The following DOCK3 variants were observed in gnomAD, a reference collection of about 807,000 sequenced individuals.
DOCK3 encodes the protein dedicator of cytokinesis 3.
Under a neutral mutation model 265.6 loss-of-function variants are expected in DOCK3, and 60 were observed. That is an observed-to-expected ratio of 0.23 (90% CI 0.18 to 0.28). The LOEUF is 0.28. DOCK3 is among the 10% of genes least tolerant of loss of function. The pLI, the probability that DOCK3 is intolerant of heterozygous loss-of-function variation, is 1.00. For synonymous variants in DOCK3, 881 were observed against 938.0 expected, an observed-to-expected ratio of 0.94 and a Z score of 1.11; for missense variants, 1,981 against 2,594.3, an observed-to-expected ratio of 0.76 and a Z score of 5.14.
intron 1 of DOCK3, among the ~76,000 whole-genome samples, chr3:50,754,213 G>A (rs1043958757): frequency 2.0e-5 from 3 of 147,296 alleles, no homozygotes; most frequent in Non-Finnish European, 4.5e-5. Context: ...CAAATACTGC[G>A]TGTTTTCACT....
rs1281613453 is a variant in DOCK3, at chr3:51,315,043, C to T, written c.3317C>T (p.Pro1106Leu). The stretch of plus-strand genomic sequence containing the variant: ...CCTTTTCTGGGTGTGACACTGGTCC[C>T]ACAGCCAGAAGTACGGAATATCATG... ...IGPFLGVTLV[P>L]QPEVRNIMIP... Residue 1106 changes from proline (P) to leucine (L), a missense_variant, in exon 32 of 53, where the codon CCA (proline) becomes CTA (leucine). By Grantham distance (98) the Pro-to-Leu change is moderately conservative. This residue lies in a region of DOCK3 where 1,357 missense variants were observed against 1,866.8 expected (regional missense o/e 0.73). Transcript: ENST00000266037. 6.2e-7 allele frequency: 1 copy of T among 1,612,870 alleles called. No homozygotes were observed. Among genetic ancestry groups the T allele is most frequent in the South Asian group, 1.1e-5 (1 of 90,924 alleles).
intron 5 of DOCK3, among the ~76,000 whole-genome samples, chr3:50,984,370 T>G (rs1437624725): frequency 1.3e-5 from 2 of 152,200 alleles, no homozygotes; most frequent in African/African-American, 4.8e-5. Flanking sequence ...TCCTTCCACT[T>G]CCAGATGCAG....
intron 32 of DOCK3, among the ~76,000 whole-genome samples, chr3:51,323,057 A>C (rs1387024290): frequency 6.6e-6 from 1 of 152,210 alleles, no homozygotes; most frequent in Non-Finnish European, 1.5e-5. Context: ...AAAGAACTGC[A>C]TTACATAATG....
chr3:50,816,500 T>C (rs1035264699), intron 2 of DOCK3, among the ~76,000 whole-genome samples: 2 of 151,892 alleles, frequency 1.3e-5, no homozygotes, highest in East Asian at 1.9e-4. Context: ...TTTGTATTTT[T>C]AGTGGAGACG....
At chr3:51,334,332 T>A (rs2084725409) in intron 35 of DOCK3, among the ~76,000 whole-genome samples, 1 of 152,166 alleles carries the variant, frequency 6.6e-6, no homozygotes, top group South Asian at 2.1e-4. Context: ...GAAACCCAGC[T>A]CCAAGCAATA....
In DOCK3 at chr3:50,842,906, C is replaced by T. The variant is rs192307312; in HGVS notation, c.162+1191C>T. ...TGAATAGTTGTAATTTGTGATATTGCGTGCTATTTATTTATTTTAGTAATA... is the reference window on the plus strand; with the variant it reads ...TGAATAGTTGTAATTTGTGATATTGTGTGCTATTTATTTATTTTAGTAATA... On this transcript the variant is annotated intron_variant, in intron 3 of 52. Coordinates refer to ENST00000266037, the MANE Select transcript of DOCK3 (RefSeq NM_004947.5). 2.3e-4 allele frequency among the ~76,000 whole-genome samples: 35 copies of T among 152,210 alleles called. 1 individual carries two copies. In the South Asian group the frequency reaches 5.0e-3, roughly 22 times the overall value.
chr3:51,309,632 AGAGCGAGAGCG>A (rs1325255695), intron 27 of DOCK3, among the ~76,000 whole-genome samples: 25 of 146,166 alleles, frequency 1.7e-4, no homozygotes, highest in African/African-American at 6.1e-4. Flanking sequence ...AGCGAGAGCG[AGAGCGAGAGCG>A]AGAGCGAGAG....
intron 12 of DOCK3, among the ~76,000 whole-genome samples, chr3:51,194,579 G>A (rs2088156337): frequency 6.6e-6 from 1 of 152,068 alleles, no homozygotes; most frequent in East Asian, 1.9e-4. Flanking sequence ...ATGAATCCAG[G>A]TGTTCCAATG....
intron 4 of DOCK3, among the ~76,000 whole-genome samples, chr3:50,922,739 C>T (rs2050557691): frequency 6.6e-6 from 1 of 151,776 alleles, no homozygotes; most frequent in African/African-American, 2.4e-5. Flanking sequence ...ATGCACTTAG[C>T]CAGTTTATTT....
chr3:51,013,848 A>T (rs1336830228), intron 5 of DOCK3, among the ~76,000 whole-genome samples: 1 of 152,100 alleles, frequency 6.6e-6, no homozygotes, highest in Non-Finnish European at 1.5e-5. Flanking sequence ...CTTCCTGGCC[A>T]CTTTGTTTAC....
chr3:50,982,988 C>A (rs146079437), intron 5 of DOCK3, among the ~76,000 whole-genome samples: 1 of 152,212 alleles, frequency 6.6e-6, no homozygotes, highest in African/African-American at 2.4e-5. Context: ...AGGGTTTCTG[C>A]TCTCACTGCC....
At chr3:51,191,059 A>G (rs2087911446) in intron 12 of DOCK3, among the ~76,000 whole-genome samples, 1 of 152,182 alleles carries the variant, frequency 6.6e-6, no homozygotes, top group Admixed American at 6.5e-5. Context: ...TCATACCTGC[A>G]GTGATCCATT....
intron 1 of DOCK3, among the ~76,000 whole-genome samples, chr3:50,753,653 G>T (rs545338707): frequency 2.6e-5 from 4 of 152,164 alleles, no homozygotes; most frequent in South Asian, 4.1e-4. Context: ...GTGAGGCACC[G>T]TGTCTCACCC....
intron 38 of DOCK3, among the ~76,000 whole-genome samples, chr3:51,344,340 G>A (rs974368904): frequency 2.0e-5 from 3 of 152,184 alleles, no homozygotes; most frequent in African/African-American, 7.2e-5. Context: ...CACATATTAG[G>A]CCAGGCAAGG....
chr3:51,260,297 C>T lies in DOCK3; in HGVS notation c.2326C>T (p.Arg776Ter), dbSNP rs772603580. ...CCGGTTTGTGCTCAGTCTGGACAGC[C>T]GAAACTCAGAAACACTCCTTTTTAC... The part of the protein sequence containing the change: ...SIRFVLSLDS[R>*]NSETLLFTQA... The change falls in exon 23 of 53, where the codon CGA (arginine) becomes TGA (stop). Residue 776 changes from arginine (R) to a stop codon, truncating the protein, a stop_gained. Transcript: ENST00000266037. LOFTEE classifies it high-confidence loss of function. The T allele has an allele frequency of 6.2e-7, 1 of 1,613,754 alleles. No individual in the cohort carries two copies. Among genetic ancestry groups the T allele is most frequent in the Non-Finnish European group, 8.5e-7 (1 of 1,179,804 alleles).
intron 1 of DOCK3, among the ~76,000 whole-genome samples, chr3:50,722,025 AG>A (rs2037506314): frequency 6.6e-6 from 1 of 152,206 alleles, no homozygotes. Context: ...CAAAAGAAAG[AG>A]GACAGGTCAG....
At chr3:50,814,153 A>G (rs1003775606) in intron 2 of DOCK3, among the ~76,000 whole-genome samples, 1 of 152,204 alleles carries the variant, frequency 6.6e-6, no homozygotes, top group African/African-American at 2.4e-5. Context: ...GACTTTTAGA[A>G]GAGTTATAAG....
chr3:50,818,227 A>G (rs1474703561), intron 2 of DOCK3, among the ~76,000 whole-genome samples: 1 of 152,194 alleles, frequency 6.6e-6, no homozygotes. Flanking sequence ...GTTTTTCTTC[A>G]ACAGTTTCAA....
At chr3:51,350,788 A>T (rs1215555789) in intron 40 of DOCK3, among the ~76,000 whole-genome samples, 1 of 152,178 alleles carries the variant, frequency 6.6e-6, no homozygotes, top group East Asian at 1.9e-4. Context: ...CTGGCCTCTT[A>T]GGGTTTGTCA....
Sources: allele counts gnomAD v4.1 joint callset (sites outside exome capture counted in the v4.1 genomes callset), GRCh38; gene constraint gnomAD v4.1.1; regional missense constraint gnomAD v4.1.1; transcripts MANE v1.5; gene names NCBI Gene and HGNC (gene_info 2026-07-23, HGNC 2026-07-21).